Variants in RRM2B observed in about 807,000 individuals in gnomAD.
RRM2B encodes ribonucleoside-diphosphate reductase subunit M2 B.
Under a neutral mutation model 45.9 loss-of-function variants are expected in RRM2B, and 20 were observed. The observed-to-expected ratio is 0.44, with a 90% CI of 0.31 to 0.63. The LOEUF (loss-of-function observed/expected upper bound fraction) is 0.63. Among genes scored for constraint, RRM2B ranks in the 30% least tolerant of loss-of-function variants. The pLI, the probability that RRM2B is intolerant of heterozygous loss-of-function variation, is 0.09. For missense variants in RRM2B, 320 were observed against 414.7 expected (o/e 0.77, Z 1.98); for synonymous variants, 124 against 132.3 (o/e 0.94, Z 0.43).
chr8:102,214,208 T>G (rs766464057), intron 6 of RRM2B, 50 bp from the exon 7 acceptor site: 8 of 1,249,538 alleles, frequency 6.4e-6, no homozygotes, highest in Non-Finnish European at 7.1e-6. Context: ...ATCAGCTATT[T>G]GCATATGGTG....
rs1811127311 is a variant in RRM2B at position 102,236,683 on chromosome 8, TAGAG to T, written c.48+2140_48+2143del. Among the ~76,000 whole-genome samples the T allele has an allele frequency of 2.0e-5, 3 of 152,208 alleles. No homozygotes were observed. The South Asian group carries it at 6.2e-4, about 32-fold the overall frequency. On this transcript the variant is annotated intron_variant, in intron 1 of 8. Coordinates refer to ENST00000251810, the MANE Select transcript of RRM2B (RefSeq NM_015713.5). Reference sequence around the variant, plus strand: ...ATTGAATGGCAGGTAAGATAGGAGATAGAGAAACAACAAAATTATTATAGCCGCA... The same window carrying T: ...ATTGAATGGCAGGTAAGATAGGAGATAAACAACAAAATTATTATAGCCGCA...
At chr8:102,227,931 C>A (rs909281775) in intron 2 of RRM2B, among the ~76,000 whole-genome samples, 2 of 152,300 alleles carry the variant, frequency 1.3e-5, no homozygotes, top group Admixed American at 6.5e-5. Context: ...AATACCATCA[C>A]ACAGCATATA....
At chr8:102,217,827 T>TAAA (rs113005118) in intron 6 of RRM2B, among the ~76,000 whole-genome samples, 3 of 140,524 alleles carry the variant, frequency 2.1e-5, no homozygotes, top group African/African-American at 5.2e-5. Context: ...CAAAAAGGTT[T>TAAA]AAAAAAAAAA....
intron 2 of RRM2B, among the ~76,000 whole-genome samples, chr8:102,229,091 T>C (rs1429701908): frequency 6.6e-6 from 1 of 152,108 alleles, no homozygotes; most frequent in Non-Finnish European, 1.5e-5. Context: ...CTGTCTCTAC[T>C]AAAAATACAA....
chr8:102,221,722 G>A (rs1032135984), intron 5 of RRM2B, among the ~76,000 whole-genome samples: 1 of 152,146 alleles, frequency 6.6e-6, no homozygotes, highest in Non-Finnish European at 1.5e-5. Context: ...GTAGTTACAT[G>A]GTGACTGCCA....
rs515726199 is a variant in RRM2B, at chr8:102,208,238, TA to T, written c.950del (p.Leu317Ter). 6.3e-7 allele frequency: 1 copy of T among 1,594,540 alleles called. No individual in the cohort carries two copies. Among genetic ancestry groups the T allele is most frequent in the Non-Finnish European group, 8.6e-7 (1 of 1,162,956 alleles). ...TCTCAAAGAAATTTGTTTTTCCTTC[TA>T]AAGAAATGTTTTCCATAAAATCAAA... ...NPFDFMENIS[L>X]EGKTNFFEKR... On this transcript the variant is annotated frameshift_variant, in exon 9 of 9. Coordinates refer to ENST00000251810, the MANE Select transcript of RRM2B (RefSeq NM_015713.5). LOFTEE classifies it high-confidence loss of function.
At chr8:102,215,152 G>A (rs1358916758) in intron 6 of RRM2B, among the ~76,000 whole-genome samples, 1 of 151,208 alleles carries the variant, frequency 6.6e-6, no homozygotes, top group East Asian at 2.0e-4. Context: ...GGTGGCTCAT[G>A]TCTGTAATAC....
At chr8:102,214,012 GAGAA>G (rs1319258666) in intron 7 of RRM2B, 38 bp downstream of exon 7, 1 of 1,288,136 alleles carries the variant, frequency 7.8e-7, no homozygotes, top group East Asian at 2.3e-5. Context: ...ACAAACATCA[GAGAA>G]AGAGAGATGT....
intron 1 of RRM2B, chr8:102,238,400 G>A: frequency 2.0e-6 from 1 of 505,248 alleles, no homozygotes; most frequent in Non-Finnish European, 3.2e-6. Context: ...ATTTCCACAC[G>A]CGTTCTCCAA....
Position 102,208,029 on chromosome 8 carries a change from C to A in RRM2B, c.*104G>T, listed in dbSNP as rs72554102. ...GGTTTTGGATTTCCTTTTGAGCAAA[C>A]CCCCAGTCCTTTAAAGGATATACTT... is the stretch of plus-strand genomic sequence containing the variant. On this transcript the variant is annotated 3_prime_UTR_variant, in exon 9 of 9. Coordinates refer to ENST00000251810, the MANE Select transcript of RRM2B (RefSeq NM_015713.5). The A allele has an allele frequency of 1.5e-4, 134 of 891,202 alleles. No individual in the cohort carries two copies. In the African/African-American group the frequency reaches 1.9e-3, roughly 13 times the overall value. The allele number at this position is 891,202 out of a possible 1,614,324, so 55.2% of individuals were successfully genotyped here.
chr8:102,232,417 GC>G, intron 1 of RRM2B, 113 bp from the exon 2 acceptor site: 2 of 1,056,488 alleles, frequency 1.9e-6, no homozygotes, highest in Non-Finnish European at 2.9e-6. Context: ...GAGCCTGTCT[GC>G]CTGGGTTGAA....
chr8:102,227,218 G>T (rs892512864), intron 2 of RRM2B, among the ~76,000 whole-genome samples: 1 of 152,022 alleles, frequency 6.6e-6, no homozygotes, highest in African/African-American at 2.4e-5. Context: ...AAATATTTTT[G>T]AAAATGTTCA....
At chr8:102,229,631 C>T (rs1252671702) in intron 2 of RRM2B, among the ~76,000 whole-genome samples, 2 of 152,040 alleles carry the variant, frequency 1.3e-5, no homozygotes, top group Non-Finnish European at 2.9e-5. Context: ...GTTGCCCAGG[C>T]TGGAATACAG....
chr8:102,233,111 C>T (rs1811060331), intron 1 of RRM2B, among the ~76,000 whole-genome samples: 1 of 152,182 alleles, frequency 6.6e-6, no homozygotes, highest in Non-Finnish European at 1.5e-5. Context: ...ATAAGCTAAA[C>T]GTGTATAAAC....
Position 102,219,948 on chromosome 8 carries a change from A to G in RRM2B, c.551-1001T>C, listed in dbSNP as rs117964248. On this transcript the variant is annotated intron_variant, in intron 5 of 8. Transcript: ENST00000251810. ...TAGATGAGAGAAGACATTAAAATCC[A>G]TTCTAGGCCAAGTGCTGCAGTGGCT... 2.6e-4 allele frequency among the ~76,000 whole-genome samples: 40 copies of G among 152,348 alleles called. No individual in the cohort carries two copies. The East Asian group carries it at 6.4e-3, about 24-fold the overall frequency.
At chr8:102,225,113 C>G in intron 3 of RRM2B, 95 bp from the exon 4 acceptor site, 4 of 1,318,632 alleles carry the variant, frequency 3.0e-6, no homozygotes, top group Non-Finnish European at 4.3e-6. Context: ...CGCTTAAAAA[C>G]TGCCTGTCAT....
Position 102,208,145 on chromosome 8 carries a change from A to C in RRM2B, c.1044T>G (p.Asp348Glu). 6.2e-7 allele frequency: 1 copy of C among 1,613,312 alleles called. No homozygotes were observed. The highest frequency in any genetic ancestry group is 8.5e-7 in the Non-Finnish European group (1 of 1,179,378). The stretch of plus-strand genomic sequence containing the variant: ...AACGAGAGGTTTTTTAAAAATCTGC[A>C]TCCAAGGTGAAGACGTTATCTGTGG... Reference protein sequence around the residue: ...AETTDNVFTLDADF With the variant: ...AETTDNVFTLEADF Residue 348 changes from aspartate (D) to glutamate (E), a missense_variant, in exon 9 of 9, where the codon GAT (aspartate) becomes GAG (glutamate). Asp to Glu is a conservative substitution (Grantham distance 45, BLOSUM62 2). This residue lies in a region of RRM2B where 47 missense variants were observed against 90.0 expected (regional missense o/e 0.52). Coordinates refer to ENST00000251810, the MANE Select transcript of RRM2B (RefSeq NM_015713.5).
intron 5 of RRM2B, among the ~76,000 whole-genome samples, chr8:102,220,217 G>A (rs1298983367): frequency 1.3e-5 from 2 of 152,114 alleles, no homozygotes; most frequent in Non-Finnish European, 2.9e-5. Flanking sequence ...CCAGCTGGGC[G>A]ACAGAGTGAG....
At chr8:102,222,395 T>C (rs1311102510) in intron 5 of RRM2B, among the ~76,000 whole-genome samples, 1 of 152,148 alleles carries the variant, frequency 6.6e-6, no homozygotes, top group African/African-American at 2.4e-5. Flanking sequence ...ATTCTTGAAA[T>C]GAACTGAAGG....
Sources: allele counts gnomAD v4.1 joint callset (sites outside exome capture counted in the v4.1 genomes callset), GRCh38; gene constraint gnomAD v4.1.1; regional missense constraint gnomAD v4.1.1; transcripts MANE v1.5; gene names NCBI Gene and HGNC (gene_info 2026-07-23, HGNC 2026-07-21).